MYO18B: variants seen among roughly 807,000 people sequenced by gnomAD.
The protein encoded by MYO18B is myosin XVIIIB.
MYO18B carries 204 observed loss-of-function variants against 273.0 expected under a neutral mutation model. The ratio of observed to expected loss-of-function variants is 0.75; its 90% CI spans 0.67 to 0.84. The LOEUF (loss-of-function observed/expected upper bound fraction) is 0.84, where lower values mean the gene tolerates loss of function less well. Ranked by LOEUF, MYO18B falls within the 40% of genes least tolerant of loss-of-function variation. The pLI, the probability that MYO18B is intolerant of heterozygous loss-of-function variation, is 0.00. For synonymous variants in MYO18B, 1,330 were observed against 1,305.7 expected, an observed-to-expected ratio of 1.02 and a Z score of -0.40; for missense variants, 3,212 against 3,287.6, an observed-to-expected ratio of 0.98 and a Z score of 0.56.
In MYO18B at chr22:25,823,590, C is replaced by T. The variant is rs1237300274; in HGVS notation, c.2607C>T (p.Ala869=). ...LGCEYEELNT[A]TFKHHLRQII... is the part of the protein sequence containing the mutation. ...GCGAGTATGAGGAGCTGAACACGGC[C>T]ACCTTCAAGCACCACCTTCGACAGA... The change falls in exon 13 of 44, where the codon GCC becomes GCT. Residue 869 remains alanine (A), a synonymous_variant. Coordinates refer to ENST00000335473, the MANE Select transcript of MYO18B (RefSeq NM_032608.7). 4.3e-6 allele frequency: 7 copies of T among 1,613,970 alleles called. No individual in the cohort carries two copies. The highest frequency in any genetic ancestry group is 5.9e-6 in the Non-Finnish European group (7 of 1,179,894).
At chr22:25,950,579 A>G (rs1428523846) in intron 37 of MYO18B, 129 bp downstream of exon 37, 14 of 487,138 alleles carry the variant, frequency 2.9e-5, no homozygotes, top group South Asian at 1.8e-4. Flanking sequence ...TTATTTGTTT[A>G]TTTATTTTTG....
At chr22:26,007,235 G>A (rs1181050316) in intron 42 of MYO18B, among the ~76,000 whole-genome samples, 1 of 152,174 alleles carries the variant, frequency 6.6e-6, no homozygotes, top group Non-Finnish European at 1.5e-5. Context: ...CTCAATAAAT[G>A]TTTGTTGAAT....
chr22:25,829,772 A>G (rs1487287668), intron 15 of MYO18B, among the ~76,000 whole-genome samples: 1 of 152,042 alleles, frequency 6.6e-6, no homozygotes, highest in Non-Finnish European at 1.5e-5. Flanking sequence ...CGGGAGGTGG[A>G]GGTCGTGGTG....
chr22:25,796,542 GC>G (rs2087918257), intron 11 of MYO18B, among the ~76,000 whole-genome samples: 2 of 151,448 alleles, frequency 1.3e-5, no homozygotes, highest in Non-Finnish European at 2.9e-5. Flanking sequence ...ACTGCAGTGG[GC>G]TATAATCACA....
At chr22:26,036,212 C>G in the MYO18B span, among the ~76,000 whole-genome samples, 3 of 152,348 alleles carry the variant, frequency 2.0e-5, no homozygotes, top group African/African-American at 7.2e-5. Flanking sequence ...ACAGTTCACA[C>G]TGGACTCCCA....
chr22:25,748,427 C>G (rs1234310245), intron 1 of MYO18B, among the ~76,000 whole-genome samples: 1 of 152,074 alleles, frequency 6.6e-6, no homozygotes, highest in Non-Finnish European at 1.5e-5. Context: ...AGCTCTGGTT[C>G]CAAGGAAGAA....
rs566562787 is a variant in MYO18B, at chr22:25,913,705, G to A, written c.5364+2655G>A. ...TTCTTATGTGAATTGCCTATTCATA[G>A]AAGTTTGTCTCCTTTTTCTCTATTG... On this transcript the variant is annotated intron_variant, in intron 33 of 43. Coordinates refer to ENST00000335473, the MANE Select transcript of MYO18B (RefSeq NM_032608.7). Among the ~76,000 whole-genome samples the A allele has an allele frequency of 1.4e-4, 21 of 152,300 alleles. No individual in the cohort carries two copies. The South Asian group carries it at 4.4e-3, about 32-fold the overall frequency.
chr22:25,779,203 T>C (rs5761171), intron 8 of MYO18B, among the ~76,000 whole-genome samples: 139,700 of 152,188 alleles, frequency 0.92, 64,487 homozygotes, highest in Non-Finnish European at 0.97. Context: ...ACTGAGAATA[T>C]ATGATGCAGG....
At chr22:25,870,654 C>A (rs929264618) in intron 22 of MYO18B, among the ~76,000 whole-genome samples, 2 of 152,162 alleles carry the variant, frequency 1.3e-5, no homozygotes, top group Non-Finnish European at 2.9e-5. Flanking sequence ...GAACTTCATC[C>A]TTCTAGACCA....
At chr22:26,045,870 C>T in the MYO18B span, among the ~76,000 whole-genome samples, 6 of 152,284 alleles carry the variant, frequency 3.9e-5, no homozygotes, top group East Asian at 1.9e-4. Flanking sequence ...AACAGTTACC[C>T]GTGTATACCA....
chr22:25,916,267 T>C lies in MYO18B; in HGVS notation c.5365-4990T>C, dbSNP rs115392804. Among the ~76,000 whole-genome samples the C allele has an allele frequency of 9.4e-3, 1,436 of 152,302 alleles. 17 individuals are homozygous for C. Among genetic ancestry groups the C allele is most frequent in the African/African-American group, 0.033 (1,381 of 41,582 alleles). On this transcript the variant is annotated intron_variant, in intron 33 of 43. Transcript: ENST00000335473. ...AGTCTTGTTAGAGTTTTGTCTGTAA[T>C]CCCTTCAAATAACCTGCTTTTGTTT...
At chr22:26,003,856 G>A (rs546171477) in intron 41 of MYO18B, among the ~76,000 whole-genome samples, 1 of 152,082 alleles carries the variant, frequency 6.6e-6, no homozygotes, top group South Asian at 2.1e-4. Flanking sequence ...GCTTTATAGA[G>A]GCACAGAGGG....
At position 25,846,131 on chromosome 22, in the gene MYO18B, G is replaced by A. The variant is rs1241219045; in HGVS notation, c.3400G>A (p.Ala1134Thr). ...GCTGCGGAGTCTATTCCAGGCCCGG[G>A]CCAAGCTGCCTCCTGTGTGCCGGGC... ...EELRSLFQAR[A>T]KLPPVCRAVA... The change falls in exon 19 of 44, where the codon GCC becomes ACC. Residue 1134 changes from alanine to threonine, a missense_variant. Coordinates refer to ENST00000335473, the MANE Select transcript of MYO18B (RefSeq NM_032608.7). 1.9e-6 allele frequency: 3 copies of A among 1,595,502 alleles called. No individual in the cohort carries two copies. The highest frequency in any genetic ancestry group is 2.6e-6 in the Non-Finnish European group (3 of 1,173,126).
chr22:25,976,270 T>C (rs1002227503), intron 39 of MYO18B, among the ~76,000 whole-genome samples: 2 of 152,192 alleles, frequency 1.3e-5, no homozygotes, highest in Non-Finnish European at 2.9e-5. Flanking sequence ...CACTGCTCAG[T>C]GTCTTTTGGT....
intron 3 of MYO18B, among the ~76,000 whole-genome samples, chr22:25,766,896 G>T (rs1370064871): frequency 1.3e-5 from 2 of 152,210 alleles, no homozygotes; most frequent in Non-Finnish European, 2.9e-5. Flanking sequence ...AGCAGTTCAC[G>T]GGCTGTGGCA....
intron 37 of MYO18B, among the ~76,000 whole-genome samples, chr22:25,950,909 G>T (rs1186778308): frequency 6.6e-6 from 1 of 152,098 alleles, no homozygotes; most frequent in Non-Finnish European, 1.5e-5. Context: ...TGACCACAAG[G>T]TCCCACAATA....
intron 39 of MYO18B, among the ~76,000 whole-genome samples, chr22:25,968,274 C>A (rs1325838028): frequency 6.6e-6 from 1 of 152,178 alleles, no homozygotes; most frequent in African/African-American, 2.4e-5. Context: ...TTCTGGGGTA[C>A]ATGCCCAGCC....
chr22:25,941,805 G>A (rs1273416374), intron 34 of MYO18B, among the ~76,000 whole-genome samples: 1 of 152,180 alleles, frequency 6.6e-6, no homozygotes, highest in Non-Finnish European at 1.5e-5. Context: ...ATCTAGACCT[G>A]CTTGACTTGT....
chr22:25,753,000 C>T (rs1243255165), intron 1 of MYO18B, among the ~76,000 whole-genome samples: 1 of 152,206 alleles, frequency 6.6e-6, no homozygotes, highest in African/African-American at 2.4e-5. Flanking sequence ...CCCGCCCGCG[C>T]TGCGCTCGAA....
Sources: gnomAD v4.1 joint callset for allele counts (sites outside exome capture counted in the v4.1 genomes callset) on GRCh38, gnomAD v4.1.1 for gene constraint, MANE v1.5 for transcripts, NCBI Gene and HGNC (gene_info 2026-07-23, HGNC 2026-07-21) for gene names.